The following MTUS2 variants were observed in gnomAD, a reference collection of about 807,000 sequenced individuals.
The protein encoded by MTUS2 is microtubule associated scaffold protein 2.
In MTUS2, 40 loss-of-function variants were observed where a neutral mutation model predicts 114.1. The observed-to-expected ratio is 0.35, with a 90% CI of 0.27 to 0.46. The LOEUF (loss-of-function observed/expected upper bound fraction) is 0.46. Ranked by LOEUF, MTUS2 falls within the 20% of genes least tolerant of loss-of-function variation. The pLI is 1.00. For synonymous variants in MTUS2, 688 were observed against 672.0 expected, an observed-to-expected ratio of 1.02 and a Z score of -0.37; for missense variants, 1,679 against 1,705.4, an observed-to-expected ratio of 0.98 and a Z score of 0.27.
At chr13:29,375,750 A>G (rs1435533292) in intron 8 of MTUS2, among the ~76,000 whole-genome samples, 1 of 150,416 alleles carries the variant, frequency 6.6e-6, no homozygotes, top group Non-Finnish European at 1.5e-5. Flanking sequence ...AATGGAAACC[A>G]AATACCGTAT....
chr13:29,229,899 C>G (rs1183007604), intron 5 of MTUS2, among the ~76,000 whole-genome samples: 2 of 152,160 alleles, frequency 1.3e-5, no homozygotes, highest in Admixed American at 1.3e-4. Context: ...ACGACATCAT[C>G]AAGAACCTCT....
chr13:28,829,069 TAAAC>T (rs1874473821), intron 1 of MTUS2, among the ~76,000 whole-genome samples: 1 of 152,180 alleles, frequency 6.6e-6, no homozygotes, highest in Non-Finnish European at 1.5e-5. Context: ...AATATCAAAA[TAAAC>T]CATTTTAGAA....
chr13:29,055,206 C>T (rs57517278), intron 4 of MTUS2, among the ~76,000 whole-genome samples: 1 of 152,020 alleles, frequency 6.6e-6, no homozygotes, highest in Non-Finnish European at 1.5e-5. Context: ...CATTTTAAAG[C>T]TCTATTATTA....
intron 5 of MTUS2, among the ~76,000 whole-genome samples, chr13:29,210,759 A>G (rs533314401): frequency 6.4e-4 from 98 of 152,288 alleles, no homozygotes; most frequent in African/African-American, 2.3e-3. Flanking sequence ...GTTTCTGCAA[A>G]GAGTCCTCTG....
At chr13:29,205,214 C>T (rs767422775) in intron 5 of MTUS2, among the ~76,000 whole-genome samples, 8 of 152,168 alleles carry the variant, frequency 5.3e-5, no homozygotes, top group Non-Finnish European at 1.2e-4. Context: ...ATGTGTGTTT[C>T]ATTCTTCTAG....
At chr13:29,299,104 G>A (rs1899077941) in intron 6 of MTUS2, among the ~76,000 whole-genome samples, 1 of 152,170 alleles carries the variant, frequency 6.6e-6, no homozygotes, top group Non-Finnish European at 1.5e-5. Context: ...TAATAAATAT[G>A]AGCTCCATTT....
intron 6 of MTUS2, among the ~76,000 whole-genome samples, chr13:29,314,125 G>A (rs1334406125): frequency 2.0e-5 from 3 of 151,806 alleles, no homozygotes; most frequent in South Asian, 2.1e-4. Context: ...AGAAAGCAAA[G>A]GAATTTCCCA....
intron 5 of MTUS2, among the ~76,000 whole-genome samples, chr13:29,156,223 G>T (rs1892853512): frequency 6.6e-6 from 1 of 152,170 alleles, no homozygotes; most frequent in East Asian, 1.9e-4. Flanking sequence ...AATTATAAGT[G>T]ATTATAAGTC....
At chr13:28,879,461 G>A (rs1878156574) in intron 2 of MTUS2, among the ~76,000 whole-genome samples, 1 of 152,108 alleles carries the variant, frequency 6.6e-6, no homozygotes, top group African/African-American at 2.4e-5. Flanking sequence ...GGCCTGGTGG[G>A]GGGGCTCCAT....
intron 4 of MTUS2, among the ~76,000 whole-genome samples, chr13:29,087,543 G>A (rs1234333587): frequency 6.6e-6 from 1 of 152,142 alleles, no homozygotes; most frequent in East Asian, 1.9e-4. Flanking sequence ...GTTCATCAGG[G>A]ATATTGGCCT....
chr13:28,872,346 A>G (rs1877668403), intron 2 of MTUS2, among the ~76,000 whole-genome samples: 1 of 152,142 alleles, frequency 6.6e-6, no homozygotes, highest in African/African-American at 2.4e-5. Context: ...CTTTTACTTC[A>G]TTGGGGGAAT....
At chr13:29,253,648 C>A (rs1897201694) in intron 5 of MTUS2, among the ~76,000 whole-genome samples, 2 of 151,984 alleles carry the variant, frequency 1.3e-5, no homozygotes, top group Admixed American at 6.5e-5. Context: ...GGTTTGCATT[C>A]TAACAGGAGG....
At chr13:29,199,776 C>T (rs1252635043) in intron 5 of MTUS2, among the ~76,000 whole-genome samples, 1 of 151,916 alleles carries the variant, frequency 6.6e-6, no homozygotes, top group Non-Finnish European at 1.5e-5. Context: ...GGTACCAGCT[C>T]CTCTTTGTGC....
intron 2 of MTUS2, among the ~76,000 whole-genome samples, chr13:28,982,408 A>C (rs981921101): frequency 6.6e-6 from 1 of 152,122 alleles, no homozygotes; most frequent in Admixed American, 6.5e-5. Flanking sequence ...ACAGTTGTGC[A>C]CCATTGGTAG....
chr13:29,476,604 C>T (rs972138974), intron 9 of MTUS2: 9 of 152,108 alleles, frequency 5.9e-5, no homozygotes, highest in Admixed American at 3.3e-4. Context: ...CAGTATATTC[C>T]GAGTTGTGGA....
At chr13:29,428,987 TAG>T (rs1876792447) in intron 8 of MTUS2, 1 of 1,288,086 alleles carries the variant, frequency 7.8e-7, no homozygotes, top group Non-Finnish European at 1.1e-6. Flanking sequence ...CCTGTCCCCC[TAG>T]CATGCGTGTG....
chr13:28,927,173 A>G (rs146694644), intron 2 of MTUS2, among the ~76,000 whole-genome samples: 17 of 152,348 alleles, frequency 1.1e-4, no homozygotes, highest in Non-Finnish European at 2.1e-4. Flanking sequence ...AAATAGAAAC[A>G]TAATTTATGA....
At chr13:29,238,466 TC>T (rs1272920336) in intron 5 of MTUS2, among the ~76,000 whole-genome samples, 4 of 152,054 alleles carry the variant, frequency 2.6e-5, no homozygotes, top group Non-Finnish European at 5.9e-5. Flanking sequence ...CGGCCAAAGG[TC>T]CAAGAGCCCC....
chr13:28,838,614 G>T (rs949775575), intron 1 of MTUS2, among the ~76,000 whole-genome samples: 1 of 152,024 alleles, frequency 6.6e-6, no homozygotes, highest in African/African-American at 2.4e-5. Flanking sequence ...CTTGTCCCTC[G>T]CTTGCTCTTG....
Sources: gnomAD v4.1 joint callset for allele counts (sites outside exome capture counted in the v4.1 genomes callset) on GRCh38, gnomAD v4.1.1 for gene constraint, MANE v1.5 for transcripts, NCBI Gene and HGNC (gene_info 2026-07-23, HGNC 2026-07-21) for gene names.